Variants in CCNT1 observed in about 807,000 individuals in gnomAD.
CCNT1 encodes the protein cyclin T1, also known as cyclin-T1.
A neutral mutation model predicts 67.3 loss-of-function variants in CCNT1; 18 were observed. The observed-to-expected ratio is 0.27, with a 90% CI of 0.18 to 0.40. CCNT1 has a LOEUF of 0.40. Ranked by LOEUF, CCNT1 falls within the 10% of genes least tolerant of loss-of-function variation. CCNT1 has a pLI of 1.00. For synonymous variants in CCNT1, 333 were observed against 310.3 expected, an observed-to-expected ratio of 1.07 and a Z score of -0.77; for missense variants, 744 against 884.9, an observed-to-expected ratio of 0.84 and a Z score of 2.02.
chr12:48,710,652 A>C (rs927011311), intron 2 of CCNT1, among the ~76,000 whole-genome samples: 3 of 152,204 alleles, frequency 2.0e-5, no homozygotes, highest in Non-Finnish European at 2.9e-5. Context: ...GTTTGAAAGA[A>C]TATCTCTATA....
intron 1 of CCNT1, among the ~76,000 whole-genome samples, chr12:48,715,040 T>C (rs1940512737): frequency 6.6e-6 from 1 of 152,186 alleles, no homozygotes; most frequent in Non-Finnish European, 1.5e-5. Context: ...CTTGAACTCC[T>C]GGCCTCAACT....
intron 6 of CCNT1, 77 bp from the exon 7 acceptor site, chr12:48,696,239 TAAAA>T (rs71080140): frequency 6.8e-3 from 486 of 71,626 alleles, no homozygotes; most frequent in East Asian, 0.029. Context: ...CTCCATTATT[TAAAA>T]AAAAAAAAAA....
intron 6 of CCNT1, 77 bp downstream of exon 6, chr12:48,698,061 A>T: frequency 1.2e-6 from 1 of 848,176 alleles, no homozygotes; most frequent in Non-Finnish European, 1.8e-6. Context: ...CCAGAGAATT[A>T]TCTATAGCAC....
At chr12:48,699,508 T>G (rs373270761) in intron 5 of CCNT1, among the ~76,000 whole-genome samples, 5 of 152,314 alleles carry the variant, frequency 3.3e-5, no homozygotes, top group African/African-American at 1.2e-4. Context: ...CTCACAACTT[T>G]CATAAAATTT....
chr12:48,703,049 G>A (rs1940296827), intron 3 of CCNT1, among the ~76,000 whole-genome samples: 1 of 151,516 alleles, frequency 6.6e-6, no homozygotes, highest in Non-Finnish European at 1.5e-5. Flanking sequence ...TGCTCTTTAT[G>A]AGAATCTAAT....
At chr12:48,708,878 AG>A (rs1565620622) in intron 2 of CCNT1, among the ~76,000 whole-genome samples, 1 of 152,202 alleles carries the variant, frequency 6.6e-6, no homozygotes, top group Non-Finnish European at 1.5e-5. Context: ...CCAAGGCAGG[AG>A]GATCCCTTGA....
chr12:48,705,648 A>T, intron 3 of CCNT1, 120 bp downstream of exon 3: 1 of 791,448 alleles, frequency 1.3e-6, no homozygotes, highest in Non-Finnish European at 2.0e-6. Context: ...AACTTCAATA[A>T]ATCGAAGTTA....
Position 48,692,833 on chromosome 12 carries a change from TG to T in CCNT1, c.*199del. On this transcript the variant is annotated 3_prime_UTR_variant, in exon 9 of 9. Transcript: ENST00000261900. ...ACACCTCTCTAATACCAGTAAAAACTGTAAGAAAATAGTTAAATGCATGAGA... is the reference window on the plus strand; with the variant it reads ...ACACCTCTCTAATACCAGTAAAAACTTAAGAAAATAGTTAAATGCATGAGA... 1.9e-6 allele frequency: 1 copy of T among 524,552 alleles called. No homozygotes were observed. The highest frequency in any genetic ancestry group is 3.4e-6 in the Non-Finnish European group (1 of 295,422). The allele number at this position is 524,552 out of a possible 1,614,324, so 32.5% of individuals were successfully genotyped here.
intron 5 of CCNT1, among the ~76,000 whole-genome samples, chr12:48,699,187 C>G (rs1160871699): frequency 6.6e-6 from 1 of 151,944 alleles, no homozygotes; most frequent in African/African-American, 2.4e-5. Context: ...TTAATACTTT[C>G]AAATATAAAG....
chr12:48,705,718 AAAAG>A (rs1417271534), intron 3 of CCNT1, 46 bp downstream of exon 3: 1 of 1,530,402 alleles, frequency 6.5e-7, no homozygotes, highest in Admixed American at 2.0e-5. Context: ...TAGGGAAAAA[AAAAG>A]AAAGGAAAAA....
intron 4 of CCNT1, 69 bp downstream of exon 4, chr12:48,700,944 G>T: frequency 1.1e-6 from 1 of 935,358 alleles, no homozygotes; most frequent in Non-Finnish European, 1.6e-6. Flanking sequence ...TTCCTATATA[G>T]CAAATTTTTA....
intron 2 of CCNT1, among the ~76,000 whole-genome samples, chr12:48,712,399 C>T (rs1940465550): frequency 6.6e-6 from 1 of 151,138 alleles, no homozygotes; most frequent in Non-Finnish European, 1.5e-5. Context: ...CCTCAGCCTC[C>T]TGAGTAGCTG....
rs1190396106 is a variant in CCNT1, at chr12:48,690,291, G to C, written c.*2742C>G. On this transcript the variant is annotated 3_prime_UTR_variant, in exon 9 of 9. Transcript: ENST00000261900. ...TTATCACCATCACTTATTTTTGACA[G>C]TCTAGGTTACATGGAGAAACAAAAA... 6.6e-6 allele frequency: 1 copy of C among 152,138 alleles called. No individual in the cohort carries two copies. Among genetic ancestry groups the C allele is most frequent in the South Asian group, 2.1e-4 (1 of 4,830 alleles). 9.4% of individuals were successfully genotyped at this position (152,138 alleles called of 1,614,324 possible). A position where few individuals can be genotyped will look rare whatever the true frequency, so the allele number is the denominator to read the frequency against.
intron 3 of CCNT1, among the ~76,000 whole-genome samples, chr12:48,704,634 C>T (rs1226924317): frequency 6.6e-6 from 1 of 152,156 alleles, no homozygotes; most frequent in Non-Finnish European, 1.5e-5. Flanking sequence ...CATGGTGAAA[C>T]CCTGTCTCTG....
chr12:48,716,396 G>A (rs1454450800), intron 1 of CCNT1, 119 bp downstream of exon 1: 11 of 927,662 alleles, frequency 1.2e-5, no homozygotes, highest in Non-Finnish European at 1.8e-5. Flanking sequence ...CTCCCAACTA[G>A]ACATCCAGCT....
chr12:48,693,361 G>A lies in CCNT1; in HGVS notation c.1853C>T (p.Ser618Leu), dbSNP rs747730511. 9.9e-6 allele frequency: 16 copies of A among 1,614,100 alleles called. No homozygotes were observed. Among genetic ancestry groups the A allele is most frequent in the Non-Finnish European group, 1.2e-5 (14 of 1,180,048 alleles). The change falls in exon 9 of 9, where the codon TCA (serine) becomes TTA (leucine). Residue 618 changes from serine to leucine, a missense_variant. Physicochemically the swap from Ser to Leu is moderately radical, Grantham distance 145 (BLOSUM62 -2). This residue lies in a region of CCNT1 where 564 missense variants were observed against 574.2 expected (regional missense o/e 0.98). Coordinates refer to ENST00000261900, the MANE Select transcript of CCNT1 (RefSeq NM_001240.4). Reference sequence around the variant, plus strand: ...TGAAAAGGAAAGGCCACTTGTGTCTGAGCTATGCCCAGGCATCTGACCCAT... The same window carrying A: ...TGAAAAGGAAAGGCCACTTGTGTCTAAGCTATGCCCAGGCATCTGACCCAT... ...PTMGQMPGHS[S>L]DTSGLSFSQP...
chr12:48,705,786 A>G lies in CCNT1; in HGVS notation c.354T>C (p.Leu118=). Residue 118 remains leucine (L), a synonymous_variant, in exon 3 of 9, where the codon CTT becomes CTC. Coordinates refer to ENST00000261900, the MANE Select transcript of CCNT1 (RefSeq NM_001240.4). ...AHTCLHPQES[L]PDTRSEAYLQ... is the part of the protein sequence containing the mutation. ...CTCCTACCTCACTTCTAGTATCAGG[A>G]AGGGATTCCTGAGGATGGAGACAAG... is the stretch of plus-strand genomic sequence containing the variant. 2 of 1,611,454 alleles carry G rather than the reference A, an allele frequency of 1.2e-6. No homozygotes were observed. The highest frequency in any genetic ancestry group is 2.2e-5 in the East Asian group (1 of 44,780).
At chr12:48,697,097 A>G (rs1565616523) in intron 6 of CCNT1, among the ~76,000 whole-genome samples, 2 of 152,288 alleles carry the variant, frequency 1.3e-5, no homozygotes, top group East Asian at 3.9e-4. Context: ...GCCTGGGATT[A>G]CAGGTATGAG....
chr12:48,694,142 T>A lies in CCNT1; in HGVS notation c.1072A>T (p.Thr358Ser). 6.2e-7 allele frequency: 1 copy of A among 1,614,218 alleles called. No individual in the cohort carries two copies. The highest frequency in any genetic ancestry group is 1.1e-5 in the South Asian group (1 of 91,086). ...GHRTSENLALTGVDHSLPQDG... is the reference protein window; with the variant it reads ...GHRTSENLALSGVDHSLPQDG... ...TGTGGTAAGGAATGATCAACTCCTG[T>A]AAGTGCTAAATTCTCACTAGTCCGA... is the stretch of plus-strand genomic sequence containing the variant. Residue 358 changes from threonine (T) to serine (S), a missense_variant, in exon 9 of 9, where the codon ACA (threonine) becomes TCA (serine). Thr to Ser is a moderately conservative substitution (Grantham distance 58). Around this residue, in one of 3 missense-constraint regions of CCNT1, gnomAD observed 564 missense variants for 574.2 expected, o/e 0.98. Transcript: ENST00000261900.
Sources: allele counts gnomAD v4.1 joint callset (sites outside exome capture counted in the v4.1 genomes callset), GRCh38; gene constraint gnomAD v4.1.1; regional missense constraint gnomAD v4.1.1; transcripts MANE v1.5; gene names NCBI Gene and HGNC (gene_info 2026-07-23, HGNC 2026-07-21).